Variants in LITAF observed in about 807,000 individuals in gnomAD.
LITAF encodes lipopolysaccharide-induced tumor necrosis factor-alpha factor.
In LITAF, 9 loss-of-function variants were observed where a neutral mutation model predicts 14.5. The observed-to-expected ratio is 0.62, with a 90% CI of 0.37 to 1.08. LITAF has a LOEUF of 1.08. Ranked by LOEUF, LITAF falls within the 50% of genes least tolerant of loss-of-function variation. The pLI is 0.01. For missense variants in LITAF, 206 were observed against 213.4 expected (o/e 0.97, Z 0.22); for synonymous variants, 98 against 88.2 (o/e 1.11, Z -0.62).
intron 1 of LITAF, among the ~76,000 whole-genome samples, chr16:11,582,833 G>T (rs1017870347): frequency 2.6e-5 from 4 of 152,104 alleles, no homozygotes; most frequent in Non-Finnish European, 5.9e-5. Context: ...CAACTTTCAG[G>T]AACTATCCAA....
Position 11,548,318 on chromosome 16 carries a change from G to C in LITAF, c.*1319C>G, listed in dbSNP as rs1464256908. On this transcript the variant is annotated 3_prime_UTR_variant, in exon 4 of 4. Coordinates refer to ENST00000622633, the MANE Select transcript of LITAF (RefSeq NM_001136472.2). ...AACCTAGAATCCTGGCTTGCTGCTT[G>C]AGTCCTAGAAATCATGTCTTCTCAT... 1 of 453,914 alleles carries C rather than the reference G, an allele frequency of 2.2e-6. No individual in the cohort carries two copies. The highest frequency in any genetic ancestry group is 2.0e-5 in the African/African-American group (1 of 49,988). The allele number at this position is 453,914 out of a possible 1,614,324, so 28.1% of individuals were successfully genotyped here.
At chr16:11,579,099 G>C (rs1173205663) in intron 1 of LITAF, among the ~76,000 whole-genome samples, 4 of 152,134 alleles carry the variant, frequency 2.6e-5, no homozygotes, top group South Asian at 4.1e-4. Context: ...TGAGGCAGGA[G>C]AGTTGCTTGA....
upstream of LITAF, among the ~76,000 whole-genome samples, chr16:11,590,537 G>C (rs1189113568): frequency 8.6e-6 from 1 of 116,878 alleles, no homozygotes; most frequent in Admixed American, 8.3e-5. Context: ...TTAAGTAAAG[G>C]AGACCGTCTC....
chr16:11,562,229 C>A (rs1254471801), intron 1 of LITAF, among the ~76,000 whole-genome samples: 7 of 145,868 alleles, frequency 4.8e-5, no homozygotes, highest in Non-Finnish European at 3.0e-5. Flanking sequence ...CCTCTCCACA[C>A]TGTGAACCTG....
At chr16:11,568,031 T>C (rs2064481267) in intron 1 of LITAF, among the ~76,000 whole-genome samples, 1 of 151,686 alleles carries the variant, frequency 6.6e-6, no homozygotes, top group South Asian at 2.1e-4. Context: ...CTCACACCTG[T>C]AATCCCAGCA....
chr16:11,616,087 C>A (rs931464759), intron 3 of LITAF, among the ~76,000 whole-genome samples: 1 of 152,148 alleles, frequency 6.6e-6, no homozygotes, highest in African/African-American at 2.4e-5. Context: ...GGTGGGGCAC[C>A]CCAACTCCAC....
intron 1 of LITAF, among the ~76,000 whole-genome samples, chr16:11,572,351 A>G (rs1227192634): frequency 6.6e-6 from 1 of 152,052 alleles, no homozygotes; most frequent in Non-Finnish European, 1.5e-5. Context: ...GTCCTCATGC[A>G]TGAAATGATG....
At chr16:11,621,857 G>A (rs1473399909) in intron 3 of LITAF, among the ~76,000 whole-genome samples, 2 of 152,050 alleles carry the variant, frequency 1.3e-5, no homozygotes, top group Non-Finnish European at 2.9e-5. Context: ...GAGCTCCGGG[G>A]CAATGCAAAC....
intron 1 of LITAF, among the ~76,000 whole-genome samples, chr16:11,562,313 CAAAAAAAA>C (rs57317505): frequency 3.3e-5 from 2 of 61,430 alleles, no homozygotes; most frequent in African/African-American, 1.3e-4. Context: ...GACTCCGTCT[CAAAAAAAA>C]AAAAAAAAAA....
intron 1 of LITAF, chr16:11,636,065 C>T (rs1201785484): frequency 2.6e-5 from 4 of 152,192 alleles, no homozygotes; most frequent in African/African-American, 9.7e-5. Flanking sequence ...GTACTGGGCA[C>T]GAACATTGTG....
chr16:11,617,426 CTTTTTTTTTTTT>C (rs71136673), intron 3 of LITAF, among the ~76,000 whole-genome samples: 2 of 73,742 alleles, frequency 2.7e-5, no homozygotes, highest in South Asian at 6.1e-4. Context: ...TGGCTTCACT[CTTTTTTTTTTTT>C]TTTTTTTTTT....
rs1400475259 is a variant in LITAF at position 11,556,555 on chromosome 16, G to A, written c.176C>T (p.Pro59Leu). 1 of 1,614,198 alleles carries A rather than the reference G, an allele frequency of 6.2e-7. No homozygotes were observed. ...TGPDGKGMNP[P>L]SYYTQPAPIP... Reference sequence around the variant, plus strand: ...GGGCGCTGGCTGGGTATAATACGAAGGAGGATTCATGCCCTTCCCATCAGG... The same window carrying A: ...GGGCGCTGGCTGGGTATAATACGAAAGAGGATTCATGCCCTTCCCATCAGG... Residue 59 changes from proline to leucine, a missense_variant, in exon 2 of 4, where the codon CCT becomes CTT. By Grantham distance (98) the Pro-to-Leu change is moderately conservative. Coordinates refer to ENST00000622633, the MANE Select transcript of LITAF (RefSeq NM_001136472.2).
chr16:11,638,117 TATAGATAGATAG>T (rs1555475736), upstream of LITAF, among the ~76,000 whole-genome samples: 2 of 69,532 alleles, frequency 2.9e-5, no homozygotes, highest in South Asian at 4.0e-4. Context: ...TATCTATCTA[TATAGATAGATAG>T]ATAGATAGAT....
intron 1 of LITAF, among the ~76,000 whole-genome samples, chr16:11,578,060 G>A (rs1597353793): frequency 6.6e-6 from 1 of 151,682 alleles, no homozygotes; most frequent in African/African-American, 2.4e-5. Context: ...CACACTCAGC[G>A]ATTTTTTTTT....
At chr16:11,573,454 G>T (rs1597349177) in intron 1 of LITAF, among the ~76,000 whole-genome samples, 2 of 152,134 alleles carry the variant, frequency 1.3e-5, no homozygotes, top group Non-Finnish European at 2.9e-5. Context: ...CCCCACATGT[G>T]GCTGAAATGA....
chr16:11,582,164 C>T (rs1225876743), intron 1 of LITAF, among the ~76,000 whole-genome samples: 1 of 152,088 alleles, frequency 6.6e-6, no homozygotes, highest in African/African-American at 2.4e-5. Context: ...ATCAATTACA[C>T]ACTGGAGACA....
intron 3 of LITAF, among the ~76,000 whole-genome samples, chr16:11,619,864 C>G (rs935789706): frequency 1.5e-4 from 23 of 152,102 alleles, no homozygotes; most frequent in Non-Finnish European, 3.2e-4. Context: ...CAGACCACAT[C>G]TCACGTTGAA....
At chr16:11,594,070 C>T (rs1162526137) in intron 1 of LITAF, among the ~76,000 whole-genome samples, 1 of 151,864 alleles carries the variant, frequency 6.6e-6, no homozygotes, top group Non-Finnish European at 1.5e-5. Context: ...GCTATAGTCC[C>T]AGCTACTTGG....
intron 1 of LITAF, among the ~76,000 whole-genome samples, chr16:11,566,915 C>G (rs1338053831): frequency 6.6e-6 from 1 of 152,182 alleles, no homozygotes; most frequent in Non-Finnish European, 1.5e-5. Context: ...TAATGACAAG[C>G]CTCCATATAG....
Sources: allele counts gnomAD v4.1 joint callset (sites outside exome capture counted in the v4.1 genomes callset), GRCh38; gene constraint gnomAD v4.1.1; transcripts MANE v1.5; gene names NCBI Gene and HGNC (gene_info 2026-07-23, HGNC 2026-07-21).